DNAH8: variants seen among roughly 807,000 people sequenced by gnomAD.
The protein encoded by DNAH8 is dynein axonemal heavy chain 8, also known as axonemal beta dynein heavy chain 8.
Under a neutral mutation model 562.1 loss-of-function variants are expected in DNAH8, and 382 were observed. The ratio of observed to expected loss-of-function variants is 0.68; its 90% CI spans 0.63 to 0.74. The LOEUF (loss-of-function observed/expected upper bound fraction) is 0.74, where lower values mean the gene tolerates loss of function less well. Among genes scored for constraint, DNAH8 ranks in the 30% least tolerant of loss-of-function variants. DNAH8 has a pLI of 0.00. For missense variants in DNAH8, 5,203 were observed against 5,620.4 expected (o/e 0.93, Z 2.37); for synonymous variants, 1,881 against 1,919.4 (o/e 0.98, Z 0.52).
intron 73 of DNAH8, 137 bp from the exon 74 acceptor site, chr6:38,925,918 T>A (rs1782079562): frequency 2.6e-6 from 2 of 770,064 alleles, no homozygotes; most frequent in Non-Finnish European, 3.8e-6. Context: ...TTTGCTTTTT[T>A]TCGAAGTACA....
chr6:38,798,479 G>T (rs531092950), intron 21 of DNAH8, among the ~76,000 whole-genome samples: 92 of 152,294 alleles, frequency 6.0e-4, no homozygotes, highest in African/African-American at 2.0e-3. Context: ...AGGACAGGAT[G>T]CTTTACTTTG....
In DNAH8 at chr6:38,932,183, A is replaced by AACACACACACACACACACACAC. The variant is rs70981599; in HGVS notation, c.11457+203_11457+224dup. The stretch of plus-strand genomic sequence containing the variant: ...TAACTCATCTTCTCATCCAGCCTGA[A>AACACACACACACACACACACAC]ACACACACACACACACACACACACA... On this transcript the variant is annotated intron_variant, in intron 76 of 92. Coordinates refer to ENST00000327475, the MANE Select transcript of DNAH8 (RefSeq NM_001206927.2). Among the ~76,000 whole-genome samples the AACACACACACACACACACACAC allele has an allele frequency of 7.3e-4, 102 of 139,866 alleles. 1 individual carries two copies. Among genetic ancestry groups the AACACACACACACACACACACAC allele is most frequent in the Non-Finnish European group, 1.1e-3 (73 of 64,592 alleles). 91.8% of individuals were successfully genotyped at this position (139,866 alleles called of 152,430 possible).
intron 17 of DNAH8, 147 bp downstream of exon 17, chr6:38,783,286 T>C: frequency 3.4e-6 from 2 of 586,022 alleles, no homozygotes; most frequent in Non-Finnish European, 5.6e-6. Flanking sequence ...GGTTTATTTG[T>C]TTACAGTTGT....
In DNAH8 at chr6:38,918,346, T is replaced by C. The variant is rs9462464; in HGVS notation, c.10524+206T>C. 0.12 allele frequency among the ~76,000 whole-genome samples: 18,538 copies of C among 152,232 alleles called. 1,231 individuals carry two copies. The highest frequency in any genetic ancestry group is 0.23 in the South Asian group (1,121 of 4,822). ...TTTCTTGACAATGCAGGCAAGTGAC[T>C]GAAACCAACATGTTAACTTACACAG... On this transcript the variant is annotated intron_variant, in intron 70 of 92. Transcript: ENST00000327475.
At chr6:38,895,880 G>T (rs1469328666) in intron 59 of DNAH8, among the ~76,000 whole-genome samples, 153 bp from the exon 60 acceptor site, 2 of 152,106 alleles carry the variant, frequency 1.3e-5, no homozygotes, top group Non-Finnish European at 2.9e-5. Flanking sequence ...TCTTGGATGG[G>T]GTTATGCCCT....
chr6:38,862,067 G>A (rs750927380), intron 43 of DNAH8, among the ~76,000 whole-genome samples: 10 of 152,034 alleles, frequency 6.6e-5, no homozygotes, highest in African/African-American at 9.7e-5. Context: ...CAGGGTTGAG[G>A]AGTTTTGAAA....
chr6:38,913,102 G>A (rs1045850583), intron 66 of DNAH8, among the ~76,000 whole-genome samples: 9 of 152,248 alleles, frequency 5.9e-5, no homozygotes, highest in South Asian at 2.1e-4. Context: ...CACCGTACCC[G>A]GCCTACTCTA....
Position 38,729,939 on chromosome 6 carries a change from G to T in DNAH8, c.563G>T (p.Cys188Phe). 6.3e-7 allele frequency: 1 copy of T among 1,599,878 alleles called. No homozygotes were observed. Among genetic ancestry groups the T allele is most frequent in the African/African-American group, 1.3e-5 (1 of 74,752 alleles). ...AFTNFFAKDG[C>F]KTLKFLYQEG... Reference sequence around the variant, plus strand: ...ACTAATTTTTTTGCGAAAGATGGTTGTAAGACACTGAAATTTTTGTACCAA... The same window carrying T: ...ACTAATTTTTTTGCGAAAGATGGTTTTAAGACACTGAAATTTTTGTACCAA... The change falls in exon 4 of 93, where the codon TGT becomes TTT. Residue 188 changes from cysteine to phenylalanine, a missense_variant. Physicochemically the swap from Cys to Phe is radical, Grantham distance 205. Coordinates refer to ENST00000327475, the MANE Select transcript of DNAH8 (RefSeq NM_001206927.2).
At chr6:38,812,092 A>G (rs1771848320) in intron 24 of DNAH8, among the ~76,000 whole-genome samples, 1 of 152,106 alleles carries the variant, frequency 6.6e-6, no homozygotes, top group South Asian at 2.1e-4. Context: ...GGAGAGCATC[A>G]TCTTAGTTTT....
chr6:38,869,309 A>T (rs905913112), intron 48 of DNAH8, among the ~76,000 whole-genome samples: 1 of 152,102 alleles, frequency 6.6e-6, no homozygotes, highest in Non-Finnish European at 1.5e-5. Flanking sequence ...ACAAAAATTT[A>T]TAAGATTTTC....
chr6:38,803,828 C>G (rs1488143057), intron 22 of DNAH8, among the ~76,000 whole-genome samples: 1 of 151,224 alleles, frequency 6.6e-6, no homozygotes, highest in Non-Finnish European at 1.5e-5. Flanking sequence ...TTACAACTAT[C>G]TTTGGGGTTT....
At chr6:38,784,505 A>G (rs911534373) in intron 17 of DNAH8, among the ~76,000 whole-genome samples, 6 of 152,012 alleles carry the variant, frequency 3.9e-5, no homozygotes, top group African/African-American at 9.7e-5. Context: ...CCCACCATAT[A>G]CTTTATCTGT....
At chr6:39,022,440 G>T (rs1054767831) in intron 91 of DNAH8, among the ~76,000 whole-genome samples, 1 of 152,180 alleles carries the variant, frequency 6.6e-6, no homozygotes, top group Non-Finnish European at 1.5e-5. Context: ...GAGCTGGGGG[G>T]TCCAGGCTTG....
At chr6:38,951,772 A>T (rs2150636714) in intron 82 of DNAH8, among the ~76,000 whole-genome samples, 1 of 152,236 alleles carries the variant, frequency 6.6e-6, no homozygotes, top group African/African-American at 2.4e-5. Context: ...TTAAGTTCTA[A>T]GGAGATAGCT....
intron 9 of DNAH8, among the ~76,000 whole-genome samples, chr6:38,751,395 T>C (rs1765435334): frequency 6.6e-6 from 1 of 152,194 alleles, no homozygotes; most frequent in Non-Finnish European, 1.5e-5. Flanking sequence ...AGCAAGTGAA[T>C]CTGGTTCACT....
intron 76 of DNAH8, among the ~76,000 whole-genome samples, 190 bp downstream of exon 76, chr6:38,932,183 AACACACAC>A (rs70981599): frequency 1.5e-4 from 21 of 139,864 alleles, no homozygotes; most frequent in African/African-American, 4.3e-4. Flanking sequence ...TCCAGCCTGA[AACACACAC>A]ACACACACAC....
chr6:38,766,062 C>G (rs1486578194), intron 11 of DNAH8, among the ~76,000 whole-genome samples: 1 of 151,818 alleles, frequency 6.6e-6, no homozygotes, highest in Non-Finnish European at 1.5e-5. Flanking sequence ...TGGAAACAAC[C>G]TAAGTGCCTG....
Position 38,854,672 on chromosome 6 carries a change from C to G in DNAH8, c.5733+1325C>G, listed in dbSNP as rs138635952. On this transcript the variant is annotated intron_variant, in intron 41 of 92. Transcript: ENST00000327475. ...AACTAAATCCACGTATTTTCTTTCTCCAGACCCTGTATATCCTGAAGGAGA... is the reference window on the plus strand; with the variant it reads ...AACTAAATCCACGTATTTTCTTTCTGCAGACCCTGTATATCCTGAAGGAGA... Among the ~76,000 whole-genome samples, 24 of 152,004 alleles carry G rather than the reference C, an allele frequency of 1.6e-4. 1 individual carries two copies. In the East Asian group the frequency reaches 4.4e-3, roughly 28 times the overall value.
intron 30 of DNAH8, among the ~76,000 whole-genome samples, chr6:38,831,319 G>A (rs1323950943): frequency 6.6e-6 from 1 of 151,764 alleles, no homozygotes; most frequent in Non-Finnish European, 1.5e-5. Flanking sequence ...TGGCTATTTG[G>A]GAGGCTGAGG....
Sources: allele counts gnomAD v4.1 joint callset (sites outside exome capture counted in the v4.1 genomes callset), GRCh38; gene constraint gnomAD v4.1.1; transcripts MANE v1.5; gene names NCBI Gene and HGNC (gene_info 2026-07-23, HGNC 2026-07-21).